Variants in RAB12 observed in about 807,000 individuals in gnomAD.
RAB12 encodes ras-related protein Rab-12.
RAB12 carries 11 observed loss-of-function variants against 28.4 expected under a neutral mutation model. The observed-to-expected ratio is 0.39, with a 90% CI of 0.24 to 0.64. The LOEUF is 0.64. Ranked by LOEUF, RAB12 falls within the 30% of genes least tolerant of loss-of-function variation. RAB12 has a pLI of 0.50. For synonymous variants in RAB12, 138 were observed against 145.3 expected, an observed-to-expected ratio of 0.95 and a Z score of 0.36; for missense variants, 276 against 351.1, an observed-to-expected ratio of 0.79 and a Z score of 1.71.
At chr18:8,620,077 A>AT (rs2148707710) in intron 1 of RAB12, among the ~76,000 whole-genome samples, 1 of 144,692 alleles carries the variant, frequency 6.9e-6, no homozygotes, top group East Asian at 2.1e-4. Context: ...GCAGTGAGCT[A>AT]TATAGGATCC....
intron 1 of RAB12, among the ~76,000 whole-genome samples, chr18:8,623,098 T>C (rs1270096685): frequency 1.3e-5 from 2 of 152,150 alleles, no homozygotes; most frequent in Non-Finnish European, 1.5e-5. Flanking sequence ...CACATGGTCC[T>C]GAGGCAACAT....
chr18:8,615,789 T>C (rs1441211778), intron 1 of RAB12, among the ~76,000 whole-genome samples: 1 of 152,248 alleles, frequency 6.6e-6, no homozygotes, highest in South Asian at 2.1e-4. Context: ...TTATGTTGAA[T>C]AAAAATCTAT....
intron 2 of RAB12, among the ~76,000 whole-genome samples, chr18:8,626,938 A>G (rs1158797985): frequency 1.3e-5 from 2 of 152,252 alleles, no homozygotes; most frequent in East Asian, 1.9e-4. Context: ...CTTTTCCTGC[A>G]GGAAGGTTTT....
At chr18:8,632,380 G>C (rs187775895) in intron 2 of RAB12, among the ~76,000 whole-genome samples, 1 of 152,138 alleles carries the variant, frequency 6.6e-6, no homozygotes, top group African/African-American at 2.4e-5. Flanking sequence ...TAGTGGCTGT[G>C]CACGGATGTC....
In RAB12 at chr18:8,636,288, A is replaced by C. The variant is rs772458271; in HGVS notation, c.840A>C (p.Glu280Asp). 6.2e-7 allele frequency: 1 copy of C among 1,613,886 alleles called. No homozygotes were observed. Among genetic ancestry groups the C allele is most frequent in the South Asian group, 1.1e-5 (1 of 91,072 alleles). ...AQQITGMRFC[E>D]ASAKDNFNVD... ...AGATCACTGGGATGCGGTTCTGTGAAGCAAGTGCCAAGGATAACTTCAATG... is the reference window on the plus strand; with the variant it reads ...AGATCACTGGGATGCGGTTCTGTGACGCAAGTGCCAAGGATAACTTCAATG... Residue 280 changes from glutamate to aspartate, a missense_variant, in exon 5 of 6, where the codon GAA (glutamate) becomes GAC (aspartate). Glu to Asp is a conservative substitution (Grantham distance 45). This residue lies in a region of RAB12 where 127 missense variants were observed against 161.4 expected (regional missense o/e 0.79). Coordinates refer to ENST00000649141, the MANE Select transcript of RAB12 (RefSeq NM_001025300.3).
At chr18:8,633,689 G>A (rs375650876) in intron 3 of RAB12, among the ~76,000 whole-genome samples, 44 of 152,292 alleles carry the variant, frequency 2.9e-4, no homozygotes, top group African/African-American at 9.6e-4. Context: ...TGACAACCTT[G>A]AGGAGATGGC....
chr18:8,629,532 G>C (rs1357053379), intron 2 of RAB12, among the ~76,000 whole-genome samples: 11 of 152,112 alleles, frequency 7.2e-5, no homozygotes, highest in Non-Finnish European at 1.6e-4. Context: ...TGTACTGCAG[G>C]ACCTGGGTAG....
chr18:8,619,432 A>G (rs528451649), intron 1 of RAB12, among the ~76,000 whole-genome samples: 13 of 152,374 alleles, frequency 8.5e-5, no homozygotes, highest in African/African-American at 2.6e-4. Context: ...GAACATAGAA[A>G]TCTTACAAGC....
intron 5 of RAB12, among the ~76,000 whole-genome samples, chr18:8,636,846 T>C (rs189085163): frequency 6.6e-6 from 1 of 152,346 alleles, no homozygotes; most frequent in East Asian, 1.9e-4. Flanking sequence ...GACAGCTTCA[T>C]TGAGCAGCAG....
intron 2 of RAB12, 186 bp from the exon 3 acceptor site, chr18:8,633,001 CAT>C: frequency 1.6e-6 from 1 of 615,930 alleles, no homozygotes; most frequent in Non-Finnish European, 2.8e-6. Context: ...TTTTCTATGT[CAT>C]AGTTTTAGTC....
At chr18:8,616,757 C>CAA (rs71165794) in intron 1 of RAB12, among the ~76,000 whole-genome samples, 326 of 128,600 alleles carry the variant, frequency 2.5e-3, no homozygotes, top group African/African-American at 6.4e-3. Flanking sequence ...CCCATCTCCA[C>CAA]AAAAAAAAAA....
chr18:8,619,259 G>A (rs775505807), intron 1 of RAB12, among the ~76,000 whole-genome samples: 14 of 152,206 alleles, frequency 9.2e-5, no homozygotes, highest in South Asian at 4.1e-4. Context: ...GGCACAGTCC[G>A]CTTGGCCGTA....
chr18:8,615,525 G>T (rs2096006274), intron 1 of RAB12, among the ~76,000 whole-genome samples: 1 of 152,244 alleles, frequency 6.6e-6, no homozygotes, highest in African/African-American at 2.4e-5. Context: ...CAGCCCTGCA[G>T]TGTGGTTTTG....
At chr18:8,634,381 TCTGCA>T (rs1443684013) in intron 3 of RAB12, among the ~76,000 whole-genome samples, 4 of 147,628 alleles carry the variant, frequency 2.7e-5, no homozygotes, top group Non-Finnish European at 6.0e-5. Context: ...CCCAGCCTGC[TCTGCA>T]CTGGGCATCA....
chr18:8,620,164 T>TTTTTTTAAAAAAA, intron 1 of RAB12, among the ~76,000 whole-genome samples: 1 of 55,350 alleles, frequency 1.8e-5, no homozygotes, highest in Non-Finnish European at 3.4e-5. Context: ...TTTTTTTGCT[T>TTTTTTTAAAAAAA]CAAAAAAAAA....
At chr18:8,631,714 A>G (rs2148710928) in intron 2 of RAB12, among the ~76,000 whole-genome samples, 1 of 152,354 alleles carries the variant, frequency 6.6e-6, no homozygotes, top group East Asian at 1.9e-4. Context: ...GGTCAAGTGC[A>G]CATCTATAAT....
intron 1 of RAB12, among the ~76,000 whole-genome samples, chr18:8,620,139 C>CTTTTTTT (rs71165795): frequency 0.011 from 591 of 53,524 alleles, 5 homozygotes; most frequent in Middle Eastern, 0.031. Context: ...TTTTCTTCTT[C>CTTTTTTT]TTTTTTTTTT....
intron 2 of RAB12, among the ~76,000 whole-genome samples, chr18:8,625,870 A>T (rs1311456951): frequency 6.6e-6 from 1 of 152,104 alleles, no homozygotes; most frequent in Non-Finnish European, 1.5e-5. Context: ...TTGCTGCTTC[A>T]TCTGTGGCAT....
intron 2 of RAB12, among the ~76,000 whole-genome samples, chr18:8,630,660 G>A (rs1158612203): frequency 6.6e-6 from 1 of 152,118 alleles, no homozygotes; most frequent in Non-Finnish European, 1.5e-5. Flanking sequence ...GGAGAAACAG[G>A]GCTCAGCTGG....
Sources: gnomAD v4.1 joint callset for allele counts (sites outside exome capture counted in the v4.1 genomes callset) on GRCh38, gnomAD v4.1.1 for gene constraint, gnomAD v4.1.1 regional missense constraint, MANE v1.5 for transcripts, NCBI Gene and HGNC (gene_info 2026-07-23, HGNC 2026-07-21) for gene names.